The following ITIH2 variants were observed in gnomAD, a reference collection of about 807,000 sequenced individuals.
ITIH2 encodes the protein inter-alpha-trypsin inhibitor heavy chain 2.
A neutral mutation model predicts 104.4 loss-of-function variants in ITIH2; 103 were observed. The ratio of observed to expected loss-of-function variants is 0.99; its 90% CI spans 0.84 to 1.16. The LOEUF is 1.16. ITIH2 is among the 50% of genes most tolerant of loss of function. The pLI, the probability that ITIH2 is intolerant of heterozygous loss-of-function variation, is 0.00. For synonymous variants in ITIH2, 436 were observed against 435.4 expected, an observed-to-expected ratio of 1.00 and a Z score of -0.02; for missense variants, 1,108 against 1,162.4, an observed-to-expected ratio of 0.95 and a Z score of 0.68.
Position 7,749,256 on chromosome 10 carries a change from C to G in ITIH2, c.2763C>G (p.Asn921Lys), listed in dbSNP as rs781253123. 6.2e-7 allele frequency: 1 copy of G among 1,614,062 alleles called. No homozygotes were observed. The highest frequency in any genetic ancestry group is 8.5e-7 in the Non-Finnish European group (1 of 1,179,956). ...GTDVTCWFVHNSGKGFIDGHY... is the reference protein window; with the variant it reads ...GTDVTCWFVHKSGKGFIDGHY... Reference sequence around the variant, plus strand: ...ACGTTACCTGCTGGTTTGTGCACAACAGTGGAAAAGGATTCATTGACGGGC... The same window carrying G: ...ACGTTACCTGCTGGTTTGTGCACAAGAGTGGAAAAGGATTCATTGACGGGC... Residue 921 changes from asparagine (N) to lysine (K), a missense_variant, in exon 21 of 21, where the codon AAC becomes AAG. Transcript: ENST00000358415.
chr10:7,738,747 A>G lies in ITIH2; in HGVS notation c.2084A>G (p.His695Arg). Residue 695 changes from histidine to arginine, a missense_variant, in exon 16 of 21, where the codon CAT becomes CGT. Physicochemically the swap from His to Arg is conservative, Grantham distance 29 (BLOSUM62 0). Coordinates refer to ENST00000358415, the MANE Select transcript of ITIH2 (RefSeq NM_002216.3). ...SQVLESTPPP[H>R]VMRVENDPHF... ...GTGCTAGAGTCCACGCCACCCCCACATGTGATGAGAGGTAACGCTTCTACA... is the reference window on the plus strand; with the variant it reads ...GTGCTAGAGTCCACGCCACCCCCACGTGTGATGAGAGGTAACGCTTCTACA... 1.2e-6 allele frequency: 2 copies of G among 1,609,978 alleles called. No homozygotes were observed. Among genetic ancestry groups the G allele is most frequent in the Non-Finnish European group, 1.7e-6 (2 of 1,178,040 alleles).
intron 5 of ITIH2, among the ~76,000 whole-genome samples, chr10:7,717,013 T>C (rs1281690957): frequency 6.6e-6 from 1 of 151,258 alleles, no homozygotes; most frequent in Non-Finnish European, 1.5e-5. Context: ...AATGGCGTGA[T>C]CTCGGCTCAA....
intron 14 of ITIH2, among the ~76,000 whole-genome samples, chr10:7,734,466 G>A (rs60553830): frequency 0.12 from 18,469 of 152,270 alleles, 1,170 homozygotes; most frequent in Admixed American, 0.19. Flanking sequence ...AGGCCAAGGC[G>A]TGTGGATCGC....
Position 7,744,345 on chromosome 10 carries a change from C to A in ITIH2, c.2408+65C>A, listed in dbSNP as rs900863559. 6.8e-5 allele frequency: 84 copies of A among 1,241,746 alleles called. No homozygotes were observed. The African/African-American group carries it at 1.0e-3, about 15-fold the overall frequency. The allele number at this position is 1,241,746 out of a possible 1,614,324, so 76.9% of individuals were successfully genotyped here. A position where few individuals can be genotyped will look rare whatever the true frequency, so the allele number is the denominator to read the frequency against. ...ACACGACTGCATAAATAAATCCAGG[C>A]ATCAGTGACATCAACATTGAAAAAA... On this transcript the variant is annotated intron_variant, in intron 18 of 20. Transcript: ENST00000358415.
At chr10:7,736,344 A>G (rs4504973) in intron 15 of ITIH2, among the ~76,000 whole-genome samples, 151,951 of 152,300 alleles carry the variant, frequency 1, 75,802 homozygotes, top group Non-Finnish European at 1. Flanking sequence ...CAGCCTGAGT[A>G]ACAGAATAAG....
chr10:7,722,502 C>T (rs1271484411), intron 8 of ITIH2, among the ~76,000 whole-genome samples: 2 of 152,318 alleles, frequency 1.3e-5, no homozygotes, highest in Non-Finnish European at 2.9e-5. Flanking sequence ...GGCCCATACA[C>T]GTCCTTCGTG....
At chr10:7,716,188 T>A (rs1834848300) in intron 5 of ITIH2, among the ~76,000 whole-genome samples, 1 of 152,148 alleles carries the variant, frequency 6.6e-6, no homozygotes, top group African/African-American at 2.4e-5. Flanking sequence ...TTTCACCATG[T>A]TGGCCAGGCT....
At chr10:7,713,150 G>T in intron 4 of ITIH2, 31 bp from the exon 5 acceptor site, 1 of 1,518,192 alleles carries the variant, frequency 6.6e-7, no homozygotes, top group South Asian at 1.1e-5. Flanking sequence ...TTACTATTCT[G>T]ACCAACTGGT....
intron 19 of ITIH2, 133 bp downstream of exon 19, chr10:7,745,096 G>A: frequency 2.8e-6 from 2 of 709,538 alleles, no homozygotes; most frequent in Non-Finnish European, 4.6e-6. Context: ...ATAGCAGTGT[G>A]GGGTCGCTCG....
At chr10:7,716,946 C>CTT (rs1159676380) in intron 5 of ITIH2, among the ~76,000 whole-genome samples, 1 of 134,488 alleles carries the variant, frequency 7.4e-6, no homozygotes. Context: ...CTCTACAAGC[C>CTT]TATTTTTTTT....
At chr10:7,721,613 T>C (rs755385189) in intron 7 of ITIH2, 36 bp from the exon 8 acceptor site, 2 of 1,602,756 alleles carry the variant, frequency 1.2e-6, no homozygotes, top group Admixed American at 3.4e-5. Context: ...GGGAAGGGGC[T>C]AGAGGCAGAG....
chr10:7,733,227 T>A (rs796244109), intron 14 of ITIH2, among the ~76,000 whole-genome samples: 1 of 152,168 alleles, frequency 6.6e-6, no homozygotes, highest in Non-Finnish European at 1.5e-5. Context: ...TCTGTATTCC[T>A]CTGTTCCTGG....
At chr10:7,735,575 A>G (rs571985253) in intron 15 of ITIH2, among the ~76,000 whole-genome samples, 26 of 152,206 alleles carry the variant, frequency 1.7e-4, no homozygotes, top group African/African-American at 6.0e-4. Flanking sequence ...TACAATTTCT[A>G]TATGCAACTA....
intron 4 of ITIH2, among the ~76,000 whole-genome samples, 164 bp from the exon 5 acceptor site, chr10:7,713,017 G>C (rs1375584547): frequency 1.3e-5 from 2 of 152,136 alleles, no homozygotes; most frequent in African/African-American, 2.4e-5. Context: ...CTACTCAGGG[G>C]GCTGAAGCAG....
At chr10:7,735,204 C>A in intron 15 of ITIH2, 113 bp downstream of exon 15, 1 of 889,650 alleles carries the variant, frequency 1.1e-6, no homozygotes, top group Non-Finnish European at 1.6e-6. Flanking sequence ...TGCTCCCAGC[C>A]CTGGGCCCTC....
chr10:7,707,084 T>TAAC (rs1834753967), intron 2 of ITIH2, 117 bp from the exon 3 acceptor site: 5 of 594,168 alleles, frequency 8.4e-6, no homozygotes, highest in Admixed American at 7.9e-5. Flanking sequence ...AGTGAATGAA[T>TAAC]AACAGCTCAG....
intron 12 of ITIH2, 49 bp downstream of exon 12, chr10:7,730,182 A>G: frequency 7.3e-7 from 1 of 1,364,318 alleles, no homozygotes; most frequent in Non-Finnish European, 1.0e-6. Flanking sequence ...AAATCATTTA[A>G]CTACCCATAT....
intron 9 of ITIH2, among the ~76,000 whole-genome samples, chr10:7,726,067 G>T (rs1292916979): frequency 6.6e-6 from 1 of 152,202 alleles, no homozygotes; most frequent in African/African-American, 2.4e-5. Context: ...AGTGACATTA[G>T]CATCATTGGT....
chr10:7,719,080 G>A (rs1312848425), intron 6 of ITIH2, among the ~76,000 whole-genome samples: 1 of 152,220 alleles, frequency 6.6e-6, no homozygotes, highest in Non-Finnish European at 1.5e-5. Context: ...TCCCCCGGCA[G>A]ATGGGAGAGT....
Sources: gnomAD v4.1 joint callset for allele counts (sites outside exome capture counted in the v4.1 genomes callset) on GRCh38, gnomAD v4.1.1 for gene constraint, MANE v1.5 for transcripts, NCBI Gene and HGNC (gene_info 2026-07-23, HGNC 2026-07-21) for gene names.